The following REM1 variants were observed in gnomAD, a reference collection of about 807,000 sequenced individuals.
The protein encoded by REM1 is RRAD and GEM like GTPase 1, also known as GTP-binding protein REM 1.
REM1 carries 20 observed loss-of-function variants against 27.0 expected under a neutral mutation model. The ratio of observed to expected loss-of-function variants is 0.74; its 90% CI spans 0.52 to 1.08. The LOEUF is 1.08. Ranked by LOEUF, REM1 falls within the 50% of genes least tolerant of loss-of-function variation. The pLI, the probability that REM1 is intolerant of heterozygous loss-of-function variation, is 0.00. For synonymous variants in REM1, 159 were observed against 167.9 expected, an observed-to-expected ratio of 0.95 and a Z score of 0.41; for missense variants, 405 against 407.0, an observed-to-expected ratio of 1.00 and a Z score of 0.04.
At position 31,484,277 on chromosome 20, in the gene REM1, G is replaced by A. The variant is rs1018848747; in HGVS notation, c.744G>A (p.Arg248=). 2 of 1,593,406 alleles carry A rather than the reference G, an allele frequency of 1.3e-6. No individual in the cohort carries two copies. Among genetic ancestry groups the A allele is most frequent in the African/African-American group, 2.7e-5 (2 of 74,850 alleles). Residue 248 remains arginine (R), a synonymous_variant, in exon 5 of 5, where the codon CGG becomes CGA. Coordinates refer to ENST00000201979, the MANE Select transcript of REM1 (RefSeq NM_014012.6). ...TGCGCCAACTGCGCTTGCGCCGCCG[G>A]GACAGTGCGGCCAAGGAACCCCCAG... The part of the protein sequence containing the change: ...GVVRQLRLRR[R]DSAAKEPPAP...
At chr20:31,480,270 C>G (rs1444907900) in intron 3 of REM1, among the ~76,000 whole-genome samples, 1 of 138,286 alleles carries the variant, frequency 7.2e-6, no homozygotes, top group African/African-American at 3.2e-5. Context: ...TACATACATA[C>G]ATACATACAT....
chr20:31,479,702 T>C (rs1412197346), intron 3 of REM1, among the ~76,000 whole-genome samples: 1 of 152,204 alleles, frequency 6.6e-6, no homozygotes, highest in Non-Finnish European at 1.5e-5. Context: ...GGTACTCTGA[T>C]ATCAGAGAGG....
intron 2 of REM1, 58 bp from the exon 3 acceptor site, chr20:31,477,770 C>A: frequency 7.4e-7 from 1 of 1,346,786 alleles, no homozygotes; most frequent in Non-Finnish European, 1.1e-6. Flanking sequence ...GCAGGGAACA[C>A]CACACTCTCT....
intron 3 of REM1, among the ~76,000 whole-genome samples, chr20:31,480,188 A>AAGAT (rs11467647): frequency 0.1 from 14,938 of 150,052 alleles, 854 homozygotes; most frequent in East Asian, 0.25. Flanking sequence ...CATCTCAATA[A>AAGAT]AGATAGATAG....
At chr20:31,478,254 C>T (rs943067685) in intron 3 of REM1, among the ~76,000 whole-genome samples, 3 of 124,476 alleles carry the variant, frequency 2.4e-5, no homozygotes, top group Non-Finnish European at 3.2e-5. Flanking sequence ...TAAGGCTGAA[C>T]CCCCTTTCTT....
chr20:31,476,129 A>T (rs964102103), intron 1 of REM1, 98 bp from the exon 2 acceptor site: 5 of 335,738 alleles, frequency 1.5e-5, no homozygotes, highest in Admixed American at 4.4e-5. Context: ...CCTGTCTGTC[A>T]TCAGGAGTAG....
intron 4 of REM1, among the ~76,000 whole-genome samples, chr20:31,483,788 A>C (rs1443916745): frequency 1.3e-5 from 2 of 151,956 alleles, no homozygotes; most frequent in African/African-American, 2.4e-5. Flanking sequence ...AAAAAAAAAA[A>C]AAAAAACTGC....
At chr20:31,482,141 G>C in intron 3 of REM1, 146 bp from the exon 4 acceptor site, 1 of 655,936 alleles carries the variant, frequency 1.5e-6, no homozygotes, top group East Asian at 2.8e-5. Context: ...AGGTGACACA[G>C]GGAATTATAG....
chr20:31,484,056 C>G (rs566674718), intron 4 of REM1, 103 bp from the exon 5 acceptor site: 302 of 1,307,838 alleles, frequency 2.3e-4, no homozygotes, highest in Admixed American at 3.0e-4. Context: ...GGCATGAGCA[C>G]AGGAAAAATT....
chr20:31,479,244 CTCAT>C (rs1241552670), intron 3 of REM1, among the ~76,000 whole-genome samples: 1 of 152,202 alleles, frequency 6.6e-6, no homozygotes, highest in Non-Finnish European at 1.5e-5. Flanking sequence ...CAGTCATTTG[CTCAT>C]TCATTCATTC....
chr20:31,484,458 G>A lies in REM1; in HGVS notation c.*28G>A. On this transcript the variant is annotated 3_prime_UTR_variant, in exon 5 of 5. Transcript: ENST00000201979. ...CCCCCCGCCCTTCTGAGAGTTGGCG[G>A]GTCACTGAGGTGCATTCTGGGCTCC... 1 of 1,455,656 alleles carries A rather than the reference G, an allele frequency of 6.9e-7. No homozygotes were observed. Among genetic ancestry groups the A allele is most frequent in the South Asian group, 1.5e-5 (1 of 68,756 alleles). The allele number at this position is 1,455,656 out of a possible 1,614,324, so 90.2% of individuals were successfully genotyped here.
At chr20:31,482,545 C>A in intron 4 of REM1, 57 bp downstream of exon 4, 1 of 1,519,970 alleles carries the variant, frequency 6.6e-7, no homozygotes, top group Non-Finnish European at 9.0e-7. Flanking sequence ...CATGGCTGCT[C>A]CTCCAGCGCT....
At chr20:31,484,061 A>G in intron 4 of REM1, 98 bp from the exon 5 acceptor site, 1 of 1,358,862 alleles carries the variant, frequency 7.4e-7, no homozygotes, top group Non-Finnish European at 9.7e-7. Context: ...GAGCACAGGA[A>G]AAATTGCTTC....
chr20:31,476,271 C>A lies in REM1; in HGVS notation c.-175C>A, dbSNP rs1051199538. ...CCAGAAAACCTAGGGACTTTCTGCC[C>A]CAAGAAGCTGAGGCACCTCCTACTC... On this transcript the variant is annotated 5_prime_UTR_variant, in exon 2 of 5. Transcript: ENST00000201979. 5.1e-6 allele frequency: 3 copies of A among 587,942 alleles called. No homozygotes were observed. The highest frequency in any genetic ancestry group is 9.0e-6 in the Non-Finnish European group (3 of 335,100). 36.4% of individuals were successfully genotyped at this position (587,942 alleles called of 1,614,324 possible).
chr20:31,476,834 C>T, intron 2 of REM1, 49 bp downstream of exon 2: 1 of 1,488,302 alleles, frequency 6.7e-7, no homozygotes, highest in East Asian at 2.3e-5. Flanking sequence ...GAGCGAAAGC[C>T]CTGTCACCAG....
Position 31,484,792 on chromosome 20 carries a change from T to TTTTGTTAATG in REM1, c.*362_*363insTTTGTTAATG. ...GCCCAGACCTCTCCATCTCGGCTCTTCCAGGCGTCTCCACCTACTGCCCTC... is the reference window on the plus strand; with the variant it reads ...GCCCAGACCTCTCCATCTCGGCTCTTTTTGTTAATGCCAGGCGTCTCCACCTACTGCCCTC... On this transcript the variant is annotated 3_prime_UTR_variant, in exon 5 of 5. Transcript: ENST00000201979. 1 of 232,506 alleles carries TTTTGTTAATG rather than the reference T, an allele frequency of 4.3e-6. No individual in the cohort carries two copies. Among genetic ancestry groups the TTTTGTTAATG allele is most frequent in the Non-Finnish European group, 8.3e-6 (1 of 120,504 alleles). The allele number at this position is 232,506 out of a possible 1,614,324, so 14.4% of individuals were successfully genotyped here.
intron 2 of REM1, among the ~76,000 whole-genome samples, chr20:31,477,057 T>C (rs1980538943): frequency 6.6e-6 from 1 of 152,180 alleles, no homozygotes; most frequent in Non-Finnish European, 1.5e-5. Flanking sequence ...TTCATTTCCA[T>C]GTCATGCGGG....
chr20:31,476,201 C>A, intron 1 of REM1, 26 bp from the exon 2 acceptor site: 1 of 523,132 alleles, frequency 1.9e-6, no homozygotes, highest in Non-Finnish European at 3.3e-6. Context: ...ACAGCCTGCA[C>A]ACTCACTCCT....
rs1980548603 is a variant in REM1, at chr20:31,477,306, G to C, written c.340+521G>C. 2.6e-5 allele frequency among the ~76,000 whole-genome samples: 4 copies of C among 152,216 alleles called. No homozygotes were observed. The South Asian group carries it at 6.2e-4, about 24-fold the overall frequency. ...TGAGCTGAGAGTGTCGGGGGCCCCA[G>C]GATGATGGGGTACAGGGAAGATAGA... is the stretch of plus-strand genomic sequence containing the variant. On this transcript the variant is annotated intron_variant, in intron 2 of 4. Transcript: ENST00000201979.
Sources: allele counts gnomAD v4.1 joint callset (sites outside exome capture counted in the v4.1 genomes callset), GRCh38; gene constraint gnomAD v4.1.1; transcripts MANE v1.5; gene names NCBI Gene and HGNC (gene_info 2026-07-23, HGNC 2026-07-21).